RGS6: variants seen among roughly 807,000 people sequenced by gnomAD.
The protein encoded by RGS6 is regulator of G protein signaling 6.
A neutral mutation model predicts 78.5 loss-of-function variants in RGS6; 30 were observed. That is an observed-to-expected ratio of 0.38 (90% CI 0.29 to 0.52). The LOEUF (loss-of-function observed/expected upper bound fraction) is 0.52, where lower values mean the gene tolerates loss of function less well. Ranked by LOEUF, RGS6 falls within the 20% of genes least tolerant of loss-of-function variation. The pLI is 0.85. For synonymous variants in RGS6, 206 were observed against 206.0 expected (o/e 1.00, Z 0.00); for missense variants, 495 against 609.7 (o/e 0.81, Z 1.98).
At chr14:71,876,452 A>C in the RGS6 span, among the ~76,000 whole-genome samples, 1 of 127,886 alleles carries the variant, frequency 7.8e-6, no homozygotes, top group Admixed American at 8.6e-5. Flanking sequence ...GTTTTATCAG[A>C]GACTAGGTTT....
chr14:72,378,949 C>T (rs2085388388), intron 3 of RGS6, among the ~76,000 whole-genome samples: 1 of 152,090 alleles, frequency 6.6e-6, no homozygotes, highest in African/African-American at 2.4e-5. Context: ...AAAATACAAA[C>T]CAAATCCAAC....
intron 3 of RGS6, among the ~76,000 whole-genome samples, chr14:72,360,335 C>T (rs2152783606): frequency 6.6e-6 from 1 of 151,986 alleles, no homozygotes; most frequent in South Asian, 2.1e-4. Flanking sequence ...TCCTGGCTAA[C>T]ACGGTGAAAC....
chr14:72,196,626 A>G (rs1365224833), intron 2 of RGS6, among the ~76,000 whole-genome samples: 1 of 152,232 alleles, frequency 6.6e-6, no homozygotes, highest in African/African-American at 2.4e-5. Context: ...AAATATGTGT[A>G]CCACAGAATT....
chr14:72,339,829 T>A lies in RGS6; in HGVS notation c.85-12266T>A, dbSNP rs1250936880. Among the ~76,000 whole-genome samples the A allele has an allele frequency of 1.3e-5, 2 of 152,200 alleles. 1 individual carries two copies. Among genetic ancestry groups the A allele is most frequent in the East Asian group, 3.9e-4 (2 of 5,176 alleles). ...AAACCAAAAAAGGGATCTTTGCTGC[T>A]GGGTCTCAGGCAACACAAGGAAGAG... On this transcript the variant is annotated intron_variant, in intron 2 of 17. Coordinates refer to ENST00000553525, the MANE Select transcript of RGS6 (RefSeq NM_001204424.2).
At chr14:72,626,514 T>C in the RGS6 span, among the ~76,000 whole-genome samples, 1 of 152,152 alleles carries the variant, frequency 6.6e-6, no homozygotes, top group Non-Finnish European at 1.5e-5. Context: ...ACATCTGCCT[T>C]ATTCTTTTTT....
the RGS6 span, among the ~76,000 whole-genome samples, chr14:72,610,701 C>T: frequency 0.019 from 2,910 of 152,278 alleles, 74 homozygotes; most frequent in African/African-American, 0.064. Context: ...AGCCTGAGAG[C>T]GCGCTCAAGG....
chr14:72,465,723 T>C (rs1291295088), intron 6 of RGS6, 35 bp from the exon 7 acceptor site: 1 of 1,526,498 alleles, frequency 6.6e-7, no homozygotes, highest in South Asian at 1.1e-5. Context: ...GTGCTGCTGG[T>C]TTTGTACATG....
the RGS6 span, among the ~76,000 whole-genome samples, chr14:71,918,318 A>G: frequency 2.0e-5 from 3 of 151,740 alleles, no homozygotes; most frequent in Non-Finnish European, 4.4e-5. Flanking sequence ...TATCTCATTT[A>G]AAAAACACTT....
chr14:72,442,471 T>C (rs948238063), intron 3 of RGS6, among the ~76,000 whole-genome samples: 1 of 152,146 alleles, frequency 6.6e-6, no homozygotes, highest in Non-Finnish European at 1.5e-5. Context: ...TGTGTCCCCA[T>C]AGCACCCCAC....
intron 2 of RGS6, among the ~76,000 whole-genome samples, chr14:72,107,026 G>C (rs575806707): frequency 2.2e-4 from 34 of 152,050 alleles, no homozygotes; most frequent in Non-Finnish European, 4.0e-4. Context: ...TAGATCGATT[G>C]AGAGAAGCAT....
chr14:72,424,433 G>A (rs1444265591), intron 3 of RGS6, among the ~76,000 whole-genome samples: 1 of 152,148 alleles, frequency 6.6e-6, no homozygotes, highest in African/African-American at 2.4e-5. Context: ...TGGAATTAAT[G>A]CGTGTCCGGG....
chr14:72,465,602 T>TGGTTGGGTGGA (rs1566914149), intron 6 of RGS6, among the ~76,000 whole-genome samples, 156 bp from the exon 7 acceptor site: 71 of 99,424 alleles, frequency 7.1e-4, no homozygotes, highest in African/African-American at 2.7e-3. Context: ...GGATGGATGG[T>TGGTTGGGTGGA]TGGGTGGATG....
At chr14:71,991,592 G>T (rs186989045) in intron 2 of RGS6, among the ~76,000 whole-genome samples, 6 of 152,154 alleles carry the variant, frequency 3.9e-5, no homozygotes, top group Non-Finnish European at 8.8e-5. Flanking sequence ...TTATAGATAA[G>T]CCAAAGAAAT....
In RGS6 at chr14:72,441,939, C is replaced by T. The variant is rs1234143418; in HGVS notation, c.185-12589C>T. Among the ~76,000 whole-genome samples the T allele has an allele frequency of 2.6e-5, 4 of 152,160 alleles. No homozygotes were observed. In the South Asian group the frequency reaches 8.3e-4, roughly 32 times the overall value. ...CTGACCTAGCAGTGCACCAGCTACC[C>T]GAGGCAGCCTGCAGGAAAGGTGCAC... On this transcript the variant is annotated intron_variant, in intron 3 of 17. Coordinates refer to ENST00000553525, the MANE Select transcript of RGS6 (RefSeq NM_001204424.2).
At chr14:71,970,967 G>C (rs993028998) in intron 2 of RGS6, among the ~76,000 whole-genome samples, 3 of 152,240 alleles carry the variant, frequency 2.0e-5, no homozygotes, top group African/African-American at 7.2e-5. Context: ...AGGTGTAGGA[G>C]GCAGGACTAG....
intron 4 of RGS6, among the ~76,000 whole-genome samples, chr14:72,456,885 C>G (rs976081601): frequency 6.6e-6 from 1 of 151,274 alleles, no homozygotes; most frequent in African/African-American, 2.4e-5. Context: ...CAAGACCAGC[C>G]TGAGCAAGAT....
chr14:72,115,184 G>T (rs11850582), intron 2 of RGS6, among the ~76,000 whole-genome samples: 1 of 152,046 alleles, frequency 6.6e-6, no homozygotes, highest in Non-Finnish European at 1.5e-5. Flanking sequence ...CCTAGCGCTC[G>T]CTCAGGGTTT....
intron 13 of RGS6, among the ~76,000 whole-genome samples, chr14:72,496,907 C>G (rs922725218): frequency 1.3e-5 from 2 of 152,158 alleles, no homozygotes; most frequent in Admixed American, 6.5e-5. Flanking sequence ...GGCAGTCTTT[C>G]CATGTAAACA....
chr14:72,198,552 T>G (rs75980648), intron 2 of RGS6, among the ~76,000 whole-genome samples: 2,923 of 152,350 alleles, frequency 0.019, 106 homozygotes, highest in African/African-American at 0.067. Context: ...GACACTGTAT[T>G]TGTCTCTACA....
Sources: gnomAD v4.1 joint callset for allele counts (sites outside exome capture counted in the v4.1 genomes callset) on GRCh38, gnomAD v4.1.1 for gene constraint, MANE v1.5 for transcripts, NCBI Gene and HGNC (gene_info 2026-07-23, HGNC 2026-07-21) for gene names.